CWF19L2: variants seen among roughly 807,000 people sequenced by gnomAD.
CWF19L2 encodes CWF19 like cell cycle control factor 2.
In CWF19L2, 98 loss-of-function variants were observed where a neutral mutation model predicts 111.7. That is an observed-to-expected ratio of 0.88 (90% CI 0.75 to 1.04). The LOEUF is 1.04. Ranked by LOEUF, CWF19L2 falls within the 50% of genes least tolerant of loss-of-function variation. The pLI is 0.00. For missense variants in CWF19L2, 1,101 were observed against 1,051.4 expected, an observed-to-expected ratio of 1.05 and a Z score of -0.65; for synonymous variants, 351 against 342.9, an observed-to-expected ratio of 1.02 and a Z score of -0.26.
At chr11:107,351,561 G>T (rs1281254682) in intron 13 of CWF19L2, among the ~76,000 whole-genome samples, 1 of 152,142 alleles carries the variant, frequency 6.6e-6, no homozygotes, top group Non-Finnish European at 1.5e-5. Context: ...GAAATGAACA[G>T]AACATTTCAG....
At chr11:107,439,035 GA>G (rs375132996) in intron 6 of CWF19L2, 54 bp downstream of exon 6, 3,628 of 290,068 alleles carry the variant, frequency 0.013, no homozygotes, top group Middle Eastern at 0.026. Context: ...ACTCTGTCTC[GA>G]AAAAAAAAAA....
chr11:107,370,089 GA>G (rs1233254899), intron 12 of CWF19L2, among the ~76,000 whole-genome samples: 1 of 137,242 alleles, frequency 7.3e-6, no homozygotes, highest in African/African-American at 2.9e-5. Context: ...GCCTACTAAT[GA>G]TTAAATAACC....
chr11:107,359,722 C>T (rs559315129), intron 12 of CWF19L2, among the ~76,000 whole-genome samples: 4 of 152,008 alleles, frequency 2.6e-5, no homozygotes, highest in Admixed American at 6.5e-5. Flanking sequence ...GAGTTCAAGA[C>T]CAGCCTGGGC....
At chr11:107,340,606 A>G (rs1313284147) in intron 14 of CWF19L2, among the ~76,000 whole-genome samples, 1 of 152,236 alleles carries the variant, frequency 6.6e-6, no homozygotes, top group East Asian at 1.9e-4. Context: ...TCCAGTAATC[A>G]GGTAAGGCTG....
intron 8 of CWF19L2, among the ~76,000 whole-genome samples, chr11:107,423,736 C>T (rs1861334557): frequency 6.6e-6 from 1 of 151,840 alleles, no homozygotes; most frequent in African/African-American, 2.4e-5. Context: ...CACATAATCT[C>T]CTATTGAGCT....
intron 6 of CWF19L2, 47 bp from the exon 7 acceptor site, chr11:107,433,796 A>G: frequency 2.6e-6 from 2 of 782,354 alleles, no homozygotes; most frequent in Non-Finnish European, 1.9e-6. Flanking sequence ...TGTGGTTATC[A>G]TACAATTAAT....
intron 3 of CWF19L2, among the ~76,000 whole-genome samples, chr11:107,453,289 T>C (rs1301587191): frequency 6.6e-6 from 1 of 152,082 alleles, no homozygotes; most frequent in Non-Finnish European, 1.5e-5. Context: ...CTCCTAGTGC[T>C]AAACTTGCCT....
At position 107,457,125 on chromosome 11, in the gene CWF19L2, T is replaced by C. The variant is rs1383788300; in HGVS notation, c.105+587A>G. 3.3e-5 allele frequency among the ~76,000 whole-genome samples: 5 copies of C among 152,242 alleles called. No homozygotes were observed. The South Asian group carries it at 8.3e-4, about 25-fold the overall frequency. ...AAGCTTACTTTCTCCATTCTTTGTA[T>C]GTTACCTCTATGTATCTGAAGTTTA... On this transcript the variant is annotated intron_variant, in intron 1 of 17. Transcript: ENST00000282251.
At chr11:107,362,117 G>C (rs1028170609) in intron 12 of CWF19L2, among the ~76,000 whole-genome samples, 2 of 152,046 alleles carry the variant, frequency 1.3e-5, no homozygotes, top group Non-Finnish European at 2.9e-5. Context: ...TTTTCAGACC[G>C]GCTTAAAAAA....
chr11:107,418,167 C>A, intron 9 of CWF19L2, 27 bp downstream of exon 9: 1 of 1,369,680 alleles, frequency 7.3e-7, no homozygotes, highest in South Asian at 1.2e-5. Flanking sequence ...AATCATTATT[C>A]TCTAAAGCAA....
chr11:107,350,860 A>T (rs1187571311), intron 13 of CWF19L2, among the ~76,000 whole-genome samples: 1 of 152,126 alleles, frequency 6.6e-6, no homozygotes. Flanking sequence ...GGTAGACACA[A>T]GAAGAAACTC....
At chr11:107,435,797 TA>T (rs903117753) in intron 6 of CWF19L2, among the ~76,000 whole-genome samples, 19 of 151,432 alleles carry the variant, frequency 1.3e-4, no homozygotes, top group Non-Finnish European at 2.2e-4. Context: ...CAAAATTCAA[TA>T]AAAAAAAATT....
In CWF19L2 at chr11:107,372,068, T is replaced by A. The variant is rs1420866610; in HGVS notation, c.1872+18006A>T. On this transcript the variant is annotated intron_variant, in intron 12 of 17. Coordinates refer to ENST00000282251, the MANE Select transcript of CWF19L2 (RefSeq NM_152434.3). ...GTTTCTGGAATTCCATGCACTTGACTTCAAGTCCCAAATATGAGACTCCAG... is the reference window on the plus strand; with the variant it reads ...GTTTCTGGAATTCCATGCACTTGACATCAAGTCCCAAATATGAGACTCCAG... 1.5e-5 allele frequency among the ~76,000 whole-genome samples: 2 copies of A among 135,772 alleles called. 1 individual carries two copies. The highest frequency in any genetic ancestry group is 3.1e-5 in the Non-Finnish European group (2 of 63,880). The allele number at this position is 135,772 out of a possible 152,430, so 89.1% of individuals were successfully genotyped here. A position where few individuals can be genotyped will look rare whatever the true frequency, so the allele number is the denominator to read the frequency against.
chr11:107,412,911 A>C (rs1861177617), intron 10 of CWF19L2, among the ~76,000 whole-genome samples: 1 of 152,216 alleles, frequency 6.6e-6, no homozygotes, highest in Middle Eastern at 3.2e-3. Flanking sequence ...CAATTACATG[A>C]CATTCTGGAA....
At chr11:107,385,049 G>T (rs1159008861) in intron 12 of CWF19L2, among the ~76,000 whole-genome samples, 2 of 152,058 alleles carry the variant, frequency 1.3e-5, no homozygotes, top group African/African-American at 4.8e-5. Flanking sequence ...AAAGGATTAG[G>T]CACAGTATTC....
At chr11:107,359,844 G>A (rs58976500) in intron 12 of CWF19L2, among the ~76,000 whole-genome samples, 14,208 of 152,094 alleles carry the variant, frequency 0.093, 1,065 homozygotes, top group East Asian at 0.22. Context: ...CTGCTACCTC[G>A]CTGCTATGAC....
At chr11:107,402,871 G>T (rs987416625) in intron 10 of CWF19L2, among the ~76,000 whole-genome samples, 3 of 57,120 alleles carry the variant, frequency 5.3e-5, no homozygotes, top group Non-Finnish European at 3.0e-5. Context: ...AAACTGTGGT[G>T]TGTATATATA....
At chr11:107,334,689 A>G (rs1859896308) in intron 16 of CWF19L2, among the ~76,000 whole-genome samples, 192 bp downstream of exon 16, 1 of 152,240 alleles carries the variant, frequency 6.6e-6, no homozygotes, top group South Asian at 2.1e-4. Context: ...ATTCATGTGA[A>G]CAAATAAAAA....
At chr11:107,431,610 A>G (rs1317006518) in intron 7 of CWF19L2, among the ~76,000 whole-genome samples, 1 of 152,160 alleles carries the variant, frequency 6.6e-6, no homozygotes, top group African/African-American at 2.4e-5. Context: ...AACTAAACAC[A>G]TAAGAAAGCA....
Sources: gnomAD v4.1 joint callset for allele counts (sites outside exome capture counted in the v4.1 genomes callset) on GRCh38, gnomAD v4.1.1 for gene constraint, MANE v1.5 for transcripts, NCBI Gene and HGNC (gene_info 2026-07-23, HGNC 2026-07-21) for gene names.